The following THADA variants were observed in gnomAD, a reference collection of about 807,000 sequenced individuals.
THADA encodes the protein tRNA (32-2'-O)-methyltransferase regulator THADA.
THADA carries 213 observed loss-of-function variants against 219.8 expected under a neutral mutation model. The observed-to-expected ratio is 0.97, with a 90% confidence interval of 0.87 to 1.09. THADA has a LOEUF of 1.09. Ranked by LOEUF, THADA falls within the 50% of genes least tolerant of loss-of-function variation. The pLI, the probability that THADA is intolerant of heterozygous loss-of-function variation, is 0.00. For synonymous variants in THADA, 1,018 were observed against 828.9 expected, an observed-to-expected ratio of 1.23 and a Z score of -3.92; for missense variants, 2,956 against 2,311.3, an observed-to-expected ratio of 1.28 and a Z score of -5.72.
chr2:43,471,790 A>G (rs1049624061), intron 26 of THADA, among the ~76,000 whole-genome samples: 11 of 152,206 alleles, frequency 7.2e-5, no homozygotes, highest in African/African-American at 2.7e-4. Flanking sequence ...TCACTTCACA[A>G]TAAGACTTAC....
intron 20 of THADA, among the ~76,000 whole-genome samples, chr2:43,542,217 A>G (rs930739847): frequency 6.6e-6 from 1 of 152,204 alleles, no homozygotes; most frequent in Admixed American, 6.5e-5. Flanking sequence ...TTATTTAAAA[A>G]GCCCAATGCA....
chr2:43,389,671 T>C (rs6743581), intron 29 of THADA, among the ~76,000 whole-genome samples: 45,103 of 151,874 alleles, frequency 0.3, 6,913 homozygotes, highest in South Asian at 0.4. Context: ...ACAGGCTGGT[T>C]TACTCACTGC....
At chr2:43,520,949 GAGGGAAGAAGGA>G (rs1328338486) in intron 22 of THADA, among the ~76,000 whole-genome samples, 1 of 129,182 alleles carries the variant, frequency 7.7e-6, no homozygotes, top group Non-Finnish European at 1.7e-5. Flanking sequence ...GGGAGGGAGG[GAGGGAAGAAGGA>G]AGGGAGGAAG....
Position 43,428,129 on chromosome 2 carries a change from G to T in THADA, c.4029C>A (p.Ser1343Arg). 1 of 1,610,692 alleles carries T rather than the reference G, an allele frequency of 6.2e-7. No individual in the cohort carries two copies. The highest frequency in any genetic ancestry group is 8.5e-7 in the Non-Finnish European group (1 of 1,178,076). Residue 1343 changes from serine to arginine, a missense_variant, in exon 28 of 38, where the codon AGC becomes AGA. Coordinates refer to ENST00000405975, the MANE Select transcript of THADA (RefSeq NM_022065.5). ...TAATGAAGGGAACAAAAGGTCCCAT[G>T]CTGAGAGCAGAAGAAGTACCATCCA... Reference protein sequence around the residue: ...SPMDGTSSALSMGPFVPFIMR... With the variant: ...SPMDGTSSALRMGPFVPFIMR...
intron 26 of THADA, among the ~76,000 whole-genome samples, chr2:43,480,677 G>A (rs1037237761): frequency 6.6e-6 from 1 of 151,912 alleles, no homozygotes; most frequent in Admixed American, 6.6e-5. Context: ...AATTAGCCAG[G>A]TGTGGTAGTG....
intron 31 of THADA, among the ~76,000 whole-genome samples, chr2:43,295,918 G>GTT (rs35182242): frequency 0.083 from 10,694 of 128,286 alleles, 710 homozygotes; most frequent in Non-Finnish European, 0.13. Flanking sequence ...AACCTCTACT[G>GTT]TTTTTTTTTT....
intron 36 of THADA, among the ~76,000 whole-genome samples, chr2:43,276,764 C>T (rs920910833): frequency 6.6e-6 from 1 of 152,056 alleles, no homozygotes; most frequent in East Asian, 1.9e-4. Context: ...TGTCCTGGAT[C>T]ACAGTGACTT....
intron 22 of THADA, among the ~76,000 whole-genome samples, chr2:43,512,872 GT>G (rs1456670142): frequency 6.6e-6 from 1 of 152,202 alleles, no homozygotes; most frequent in African/African-American, 2.4e-5. Flanking sequence ...ACAAATATTC[GT>G]TGGATGTCTA....
chr2:43,511,236 A>G (rs547124099), intron 22 of THADA, among the ~76,000 whole-genome samples: 2 of 152,200 alleles, frequency 1.3e-5, no homozygotes, highest in African/African-American at 2.4e-5. Flanking sequence ...AACGAACTGC[A>G]GGACATGAGA....
intron 1 of THADA, among the ~76,000 whole-genome samples, chr2:43,593,638 T>TG (rs1701818805): frequency 6.7e-6 from 1 of 150,088 alleles, no homozygotes; most frequent in African/African-American, 2.5e-5. Flanking sequence ...GACTTTTTTT[T>TG]TTTTTTTTTT....
At position 43,581,841 on chromosome 2, in the gene THADA, T is replaced by C. The variant is rs764093510; in HGVS notation, c.621A>G (p.Lys207=). 3.1e-6 allele frequency: 5 copies of C among 1,612,948 alleles called. No homozygotes were observed. Among genetic ancestry groups the C allele is most frequent in the Admixed American group, 1.7e-5 (1 of 59,854 alleles). ...AAAGATTTCCCTGGAAATCTTGTACTTTCTGTACTAACATCATTGAAACTC... is the reference window on the plus strand; with the variant it reads ...AAAGATTTCCCTGGAAATCTTGTACCTTCTGTACTAACATCATTGAAACTC... ...GIRVSMMLVQ[K]VQDFQGNLWK... The change falls in exon 8 of 38, where the codon AAA becomes AAG. Residue 207 remains lysine, a synonymous_variant. Coordinates refer to ENST00000405975, the MANE Select transcript of THADA (RefSeq NM_022065.5).
At chr2:43,392,632 C>T (rs540216218) in intron 29 of THADA, among the ~76,000 whole-genome samples, 4 of 152,086 alleles carry the variant, frequency 2.6e-5, no homozygotes, top group Non-Finnish European at 5.9e-5. Context: ...CACTACTGTT[C>T]CCATCACGTA....
chr2:43,490,445 A>G (rs112323038), intron 25 of THADA, among the ~76,000 whole-genome samples: 217 of 152,336 alleles, frequency 1.4e-3, no homozygotes, highest in African/African-American at 5.0e-3. Context: ...GTCCTTTACC[A>G]TCAAGTATAT....
intron 36 of THADA, among the ~76,000 whole-genome samples, chr2:43,258,537 TAAATAA>T (rs1372072661): frequency 2.0e-5 from 3 of 152,134 alleles, no homozygotes; most frequent in East Asian, 1.9e-4. Context: ...AATAAATTAA[TAAATAA>T]AAATAAAAAT....
intron 28 of THADA, among the ~76,000 whole-genome samples, chr2:43,404,609 T>G (rs1675311318): frequency 6.6e-6 from 1 of 152,172 alleles, no homozygotes; most frequent in Admixed American, 6.5e-5. Flanking sequence ...TAGCAGCCAG[T>G]GCATCTCACT....
intron 26 of THADA, among the ~76,000 whole-genome samples, chr2:43,439,836 C>T (rs1273868485): frequency 6.6e-6 from 1 of 152,120 alleles, no homozygotes; most frequent in African/African-American, 2.4e-5. Flanking sequence ...GTGTTAGATC[C>T]AAGGTGTTTA....
At chr2:43,233,083 G>A (rs945366114) in intron 36 of THADA, 1 of 590,548 alleles carries the variant, frequency 1.7e-6, no homozygotes, top group Non-Finnish European at 3.0e-6. Context: ...ATGAGTCATA[G>A]GCCTGAACCC....
At chr2:43,587,069 A>G (rs776549810) in intron 4 of THADA, 67 bp from the exon 5 acceptor site, 4 of 1,476,502 alleles carry the variant, frequency 2.7e-6, no homozygotes, top group Non-Finnish European at 3.7e-6. Context: ...GAGAGGGAAG[A>G]GAATCATACA....
chr2:43,354,693 C>G (rs1668681441), intron 29 of THADA, among the ~76,000 whole-genome samples: 1 of 152,082 alleles, frequency 6.6e-6, no homozygotes, highest in Non-Finnish European at 1.5e-5. Flanking sequence ...GGATCTCATT[C>G]TTTTTTATGC....
Sources: allele counts gnomAD v4.1 joint callset (sites outside exome capture counted in the v4.1 genomes callset), GRCh38; gene constraint gnomAD v4.1.1; transcripts MANE v1.5; gene names NCBI Gene and HGNC (gene_info 2026-07-23, HGNC 2026-07-21).